The following QTGAL variants were observed in gnomAD, a reference collection of about 807,000 sequenced individuals.
The protein encoded by QTGAL is BGnT-like protein 1.
At chr17:83,000,572 T>C in the QTGAL span, among the ~76,000 whole-genome samples, 7 of 140,406 alleles carry the variant, frequency 5.0e-5, no homozygotes, top group African/African-American at 1.7e-4. Context: ...GATTTGTGTA[T>C]AATTTTTGGT....
the QTGAL span, chr17:83,049,130 G>A: frequency 0.1 from 23,774 of 230,336 alleles, 1,282 homozygotes; most frequent in East Asian, 0.13. Flanking sequence ...GCAGGCTCCT[G>A]TAGTCCCAGC....
chr17:82,973,610 G>A, the QTGAL span, among the ~76,000 whole-genome samples: 18 of 152,190 alleles, frequency 1.2e-4, no homozygotes, highest in East Asian at 3.5e-3. Context: ...GGTGGACTCA[G>A]CCTCTTCCTG....
the QTGAL span, among the ~76,000 whole-genome samples, chr17:82,953,833 G>C: frequency 6.6e-6 from 1 of 152,158 alleles, no homozygotes; most frequent in Non-Finnish European, 1.5e-5. Context: ...TGGGATGCAA[G>C]GCTGGTTCAA....
At chr17:83,005,165 G>A in the QTGAL span, 10 of 1,610,760 alleles carry the variant, frequency 6.2e-6, no homozygotes, top group Non-Finnish European at 7.6e-6. The surrounding 1 kb of genome is among the most constrained non-coding windows in gnomAD (Gnocchi z 5.6). Context: ...CGTGTGTATC[G>A]TTCGGTGGAG....
At chr17:82,958,939 ATACT>A in the QTGAL span, among the ~76,000 whole-genome samples, 1 of 52,318 alleles carries the variant, frequency 1.9e-5, no homozygotes, top group Non-Finnish European at 3.5e-5. Context: ...GTGTGTGTGT[ATACT>A]GTGTGGGGGT....
the QTGAL span, chr17:83,007,069 C>T: frequency 2.1e-5 from 10 of 470,770 alleles, no homozygotes; most frequent in African/African-American, 1.3e-4. Context: ...AGCATCTTTT[C>T]GCCTGGTTCT....
the QTGAL span, among the ~76,000 whole-genome samples, chr17:82,973,345 G>A: frequency 2.6e-5 from 4 of 152,212 alleles, no homozygotes; most frequent in South Asian, 2.1e-4. Flanking sequence ...TGATTAGAGC[G>A]AGGTAAAATC....
chr17:83,018,318 C>T, the QTGAL span, among the ~76,000 whole-genome samples: 1,590 of 152,254 alleles, frequency 0.01, 9 homozygotes, highest in Non-Finnish European at 0.016. Context: ...ACACATGCTC[C>T]GCGAACATGG....
the QTGAL span, among the ~76,000 whole-genome samples, chr17:82,959,048 TG>T: frequency 1.3e-5 from 1 of 78,884 alleles, no homozygotes; most frequent in African/African-American, 5.8e-5. Context: ...TGGGGGTGTA[TG>T]GTGTGTGTGT....
the QTGAL span, chr17:82,965,803 C>T: frequency 2.0e-6 from 3 of 1,489,310 alleles, no homozygotes; most frequent in Non-Finnish European, 2.8e-6. Context: ...TCACAAACAA[C>T]CTGCAGTTTA....
chr17:82,985,157 C>T, the QTGAL span, among the ~76,000 whole-genome samples: 8 of 152,334 alleles, frequency 5.3e-5, no homozygotes, highest in Non-Finnish European at 2.9e-5. Context: ...TTTCACCTTT[C>T]GGTTTGTTTA....
chr17:83,001,605 C>T, the QTGAL span, among the ~76,000 whole-genome samples: 123 of 2,396 alleles, frequency 0.051, no homozygotes, highest in African/African-American at 0.25. Flanking sequence ...GAGGGGCGGG[C>T]GGGGTGGGGG....
At chr17:82,960,635 G>A in the QTGAL span, 1 of 177,834 alleles carries the variant, frequency 5.6e-6, no homozygotes, top group Admixed American at 5.5e-5. Context: ...CGCAGCACTG[G>A]GCGCGTCCTC....
At chr17:83,025,516 C>T in the QTGAL span, among the ~76,000 whole-genome samples, 1 of 8,102 alleles carries the variant, frequency 1.2e-4, no homozygotes, top group South Asian at 4.9e-3. Flanking sequence ...CACATAGAAA[C>T]TGTGAAGTCC....
the QTGAL span, among the ~76,000 whole-genome samples, chr17:83,017,214 G>C: frequency 6.6e-6 from 1 of 152,198 alleles, no homozygotes; most frequent in African/African-American, 2.4e-5. Flanking sequence ...GGAGGAAGGG[G>C]GGTTGGTTAA....
chr17:83,005,552 G>A, the QTGAL span: 1 of 702,394 alleles, frequency 1.4e-6, no homozygotes, highest in East Asian at 2.7e-5. This position sits in a 1 kb window ranked among gnomAD's most constrained non-coding sequence, Gnocchi z 5.6. Context: ...CATATGCAAG[G>A]TGAGTTATTT....
At chr17:83,041,888 C>G in the QTGAL span, among the ~76,000 whole-genome samples, 2 of 152,186 alleles carry the variant, frequency 1.3e-5, no homozygotes, top group South Asian at 2.1e-4. Context: ...AATGAAGAAG[C>G]AAGTAAGAGA....
At chr17:82,951,005 T>A in the QTGAL span, among the ~76,000 whole-genome samples, 1 of 152,088 alleles carries the variant, frequency 6.6e-6, no homozygotes, top group Non-Finnish European at 1.5e-5. Context: ...ATGGCTGAGG[T>A]TGCAATTTTT....
chr17:82,960,061 G>A, the QTGAL span, among the ~76,000 whole-genome samples: 1 of 152,220 alleles, frequency 6.6e-6, no homozygotes, highest in African/African-American at 2.4e-5. Context: ...GAGCTGAAGT[G>A]TCAGGGACAC....
Sources: allele counts gnomAD v4.1 joint callset (sites outside exome capture counted in the v4.1 genomes callset), GRCh38; gene constraint gnomAD v4.1.1; non-coding constraint Gnocchi (gnomAD v3.1); transcripts MANE v1.5; gene names NCBI Gene and HGNC (gene_info 2026-07-23, HGNC 2026-07-21).